Variants in CTNNA3 observed in about 807,000 individuals in gnomAD.
CTNNA3 encodes the protein catenin alpha-3.
CTNNA3 carries 76 observed loss-of-function variants against 95.7 expected under a neutral mutation model. The ratio of observed to expected loss-of-function variants is 0.79; its 90% CI spans 0.66 to 0.96. CTNNA3 has a LOEUF of 0.96. Ranked by LOEUF, CTNNA3 falls within the 40% of genes least tolerant of loss-of-function variation. The probability of loss-of-function intolerance (pLI) is 0.00; values close to 1 mark genes in which losing one functional copy is unlikely to be tolerated. For missense variants in CTNNA3, 1,191 were observed against 1,089.8 expected (o/e 1.09, Z -1.31); for synonymous variants, 431 against 374.4 (o/e 1.15, Z -1.74).
rs374833632 is a variant in CTNNA3, at chr10:65,916,309, T to C, written c.*4021A>G. The C allele has an allele frequency of 1.3e-5, 2 of 152,132 alleles. No individual in the cohort carries two copies. The highest frequency in any genetic ancestry group is 2.9e-5 in the Non-Finnish European group (2 of 68,024). 9.4% of individuals were successfully genotyped at this position (152,132 alleles called of 1,614,324 possible). Reference sequence around the variant, plus strand: ...TCCTAAATATACAATAGGCAGGCTGTCTTGGCAAAAAATAGGCCAACAAAA... The same window carrying C: ...TCCTAAATATACAATAGGCAGGCTGCCTTGGCAAAAAATAGGCCAACAAAA... On this transcript the variant is annotated 3_prime_UTR_variant, in exon 18 of 18. Transcript: ENST00000433211.
intron 5 of CTNNA3, among the ~76,000 whole-genome samples, chr10:67,425,651 G>A (rs952318118): frequency 3.3e-5 from 5 of 152,130 alleles, no homozygotes; most frequent in Admixed American, 6.6e-5. Flanking sequence ...CCCGCCATCT[G>A]AAGGTAGGGT....
intron 7 of CTNNA3, among the ~76,000 whole-genome samples, chr10:66,808,487 C>T (rs571190165): frequency 3.3e-5 from 5 of 151,926 alleles, no homozygotes; most frequent in African/African-American, 9.7e-5. Flanking sequence ...TCTGTACCTT[C>T]GGGAGTGGTT....
chr10:67,632,387 T>G (rs998260403), intron 2 of CTNNA3, among the ~76,000 whole-genome samples: 3 of 151,878 alleles, frequency 2.0e-5, no homozygotes, highest in African/African-American at 7.3e-5. Flanking sequence ...CCAACCTCGC[T>G]GCCGGCACCA....
At chr10:66,576,537 T>C (rs10997242) in intron 10 of CTNNA3, among the ~76,000 whole-genome samples, 25,974 of 151,934 alleles carry the variant, frequency 0.17, 2,458 homozygotes, top group African/African-American at 0.24. Flanking sequence ...TGTGTCCATT[T>C]ATATTCAATG....
intron 8 of CTNNA3, among the ~76,000 whole-genome samples, chr10:66,767,241 T>C (rs964081859): frequency 5.3e-5 from 8 of 151,622 alleles, no homozygotes; most frequent in African/African-American, 1.9e-4. Flanking sequence ...AGGTCAGGAG[T>C]TCGAGAACAG....
At chr10:66,829,270 A>C (rs1007021337) in intron 7 of CTNNA3, among the ~76,000 whole-genome samples, 1 of 152,202 alleles carries the variant, frequency 6.6e-6, no homozygotes, top group Non-Finnish European at 1.5e-5. Flanking sequence ...TCTTTCTTTC[A>C]TGTAGGATAT....
At chr10:66,379,629 G>A (rs2092821652) in intron 11 of CTNNA3, among the ~76,000 whole-genome samples, 1 of 152,082 alleles carries the variant, frequency 6.6e-6, no homozygotes, top group Non-Finnish European at 1.5e-5. Flanking sequence ...TTAGATTTTA[G>A]ACTGACATAG....
intron 7 of CTNNA3, among the ~76,000 whole-genome samples, chr10:67,129,705 A>C (rs1262080762): frequency 1.3e-5 from 2 of 152,152 alleles, no homozygotes; most frequent in East Asian, 1.9e-4. Context: ...CCTGTATGAA[A>C]ACACAATAGA....
At chr10:67,330,046 GT>G (rs1182726474) in intron 5 of CTNNA3, among the ~76,000 whole-genome samples, 4 of 152,134 alleles carry the variant, frequency 2.6e-5, no homozygotes, top group Non-Finnish European at 5.9e-5. Context: ...TTTTATGGAA[GT>G]TTGCAAAAGT....
At chr10:67,492,922 G>A (rs901213233) in intron 5 of CTNNA3, among the ~76,000 whole-genome samples, 6 of 152,168 alleles carry the variant, frequency 3.9e-5, no homozygotes, top group Admixed American at 1.3e-4. Context: ...TGAAATAAGA[G>A]AGGAAGGAAT....
chr10:66,386,401 C>T (rs556273505), intron 11 of CTNNA3, among the ~76,000 whole-genome samples: 1 of 152,230 alleles, frequency 6.6e-6, no homozygotes, highest in East Asian at 1.9e-4. Flanking sequence ...AAGTGAAGGA[C>T]CACTTCAAGG....
intron 13 of CTNNA3, among the ~76,000 whole-genome samples, chr10:66,213,291 A>G (rs905180895): frequency 1.3e-5 from 2 of 152,112 alleles, no homozygotes; most frequent in Admixed American, 6.6e-5. Flanking sequence ...AGAAAAAAAA[A>G]TCCCCACTAC....
chr10:67,373,072 C>T (rs529617292), intron 5 of CTNNA3, among the ~76,000 whole-genome samples: 38 of 152,238 alleles, frequency 2.5e-4, no homozygotes, highest in Admixed American at 3.9e-4. Flanking sequence ...CATCAACTAA[C>T]GTGCAAAATC....
At chr10:67,075,888 C>T (rs566843536) in intron 7 of CTNNA3, among the ~76,000 whole-genome samples, 5 of 152,184 alleles carry the variant, frequency 3.3e-5, no homozygotes, top group East Asian at 3.9e-4. Context: ...TTTCTTTCAA[C>T]GAAGGTGTGG....
At position 66,697,627 on chromosome 10, in the gene CTNNA3, T is replaced by C. The variant is rs992254168; in HGVS notation, c.1281+68637A>G. 3.3e-5 allele frequency among the ~76,000 whole-genome samples: 5 copies of C among 152,194 alleles called. No homozygotes were observed. In the South Asian group the frequency reaches 8.3e-4, roughly 25 times the overall value. ...TTTGGAATTGCAATACTTCAGATGA[T>C]CACAAGCTTTAAAAATGCTCAATGT... On this transcript the variant is annotated intron_variant, in intron 9 of 17. Transcript: ENST00000433211.
intron 10 of CTNNA3, among the ~76,000 whole-genome samples, chr10:66,620,305 G>T (rs981653886): frequency 6.6e-6 from 1 of 151,742 alleles, no homozygotes; most frequent in Non-Finnish European, 1.5e-5. Context: ...CAAAAGACAT[G>T]GGCAACAGAG....
At chr10:65,952,055 C>G (rs549406464) in intron 17 of CTNNA3, among the ~76,000 whole-genome samples, 1 of 150,874 alleles carries the variant, frequency 6.6e-6, no homozygotes, top group Non-Finnish European at 1.5e-5. Context: ...AAAAATCCCT[C>G]ACCTATTTCA....
intron 7 of CTNNA3, among the ~76,000 whole-genome samples, chr10:67,021,338 C>T (rs1853002147): frequency 6.6e-6 from 1 of 151,992 alleles, no homozygotes; most frequent in African/African-American, 2.4e-5. Context: ...ATGTAAGAAG[C>T]ACTTGTATAC....
At chr10:67,475,857 G>A (rs556636443) in intron 5 of CTNNA3, among the ~76,000 whole-genome samples, 30 of 152,292 alleles carry the variant, frequency 2.0e-4, no homozygotes, top group African/African-American at 7.2e-4. Flanking sequence ...ATGGAGGTAA[G>A]AAATCACTAT....
Sources: allele counts gnomAD v4.1 joint callset (sites outside exome capture counted in the v4.1 genomes callset), GRCh38; gene constraint gnomAD v4.1.1; transcripts MANE v1.5; gene names NCBI Gene and HGNC (gene_info 2026-07-23, HGNC 2026-07-21).